PCDHA9: variants seen among roughly 807,000 people sequenced by gnomAD.
PCDHA9 encodes protocadherin alpha-9.
In PCDHA9, 62 loss-of-function variants were observed where a neutral mutation model predicts 62.0. The ratio of observed to expected loss-of-function variants is 1.00; its 90% CI spans 0.81 to 1.23. The LOEUF (loss-of-function observed/expected upper bound fraction) is 1.23, where lower values mean the gene tolerates loss of function less well. PCDHA9 is among the 50% of genes most tolerant of loss of function. PCDHA9 has a pLI of 0.00. For synonymous variants in PCDHA9, 557 were observed against 567.6 expected, an observed-to-expected ratio of 0.98 and a Z score of 0.27; for missense variants, 1,205 against 1,249.8, an observed-to-expected ratio of 0.96 and a Z score of 0.54.
chr5:140,954,161 C>G (rs2094990748), intron 1 of PCDHA9, among the ~76,000 whole-genome samples: 1 of 152,200 alleles, frequency 6.6e-6, no homozygotes, highest in African/African-American at 2.4e-5. Context: ...ATATGTACCA[C>G]ATTTTCTTTA....
At chr5:140,869,764 G>A (rs1554163420) in intron 1 of PCDHA9, 4 of 1,613,244 alleles carry the variant, frequency 2.5e-6, no homozygotes, top group East Asian at 4.5e-5. Context: ...GGGAAAACCA[G>A]AGCTTACTGG....
chr5:140,940,903 A>T (rs1177865937), intron 1 of PCDHA9, among the ~76,000 whole-genome samples: 1 of 152,242 alleles, frequency 6.6e-6, no homozygotes, highest in Admixed American at 6.5e-5. Context: ...CTTTAAATCA[A>T]GTTCAAGACT....
chr5:140,994,412 G>C (rs1412198813), intron 3 of PCDHA9, among the ~76,000 whole-genome samples: 1 of 152,068 alleles, frequency 6.6e-6, no homozygotes, highest in Non-Finnish European at 1.5e-5. Flanking sequence ...ATTTAATACT[G>C]GATATTGAGG....
At chr5:140,948,823 A>G (rs1554218722) in intron 1 of PCDHA9, among the ~76,000 whole-genome samples, 2 of 151,238 alleles carry the variant, frequency 1.3e-5, no homozygotes, top group African/African-American at 4.8e-5. Flanking sequence ...TATTTCATTA[A>G]TTTCTGCTTT....
intron 1 of PCDHA9, among the ~76,000 whole-genome samples, chr5:140,879,506 A>T (rs1156992401): frequency 1.3e-5 from 2 of 152,224 alleles, no homozygotes; most frequent in Non-Finnish European, 2.9e-5. Context: ...CTCAGAAGAG[A>T]TTATTGATAT....
rs1781520198 is a variant in PCDHA9, at chr5:140,848,443, T to C, written c.-53T>C. ...ATGGGACTGACGAAATCAGATGATTTCTTCTAATTTGGAGGCAATTTTCAC... is the reference window on the plus strand; with the variant it reads ...ATGGGACTGACGAAATCAGATGATTCCTTCTAATTTGGAGGCAATTTTCAC... On this transcript the variant is annotated 5_prime_UTR_variant, in exon 1 of 4. Transcript: ENST00000532602. 5.4e-6 allele frequency: 8 copies of C among 1,493,744 alleles called. 1 individual carries two copies. The highest frequency in any genetic ancestry group is 7.3e-6 in the Non-Finnish European group (8 of 1,096,078). 92.5% of individuals were successfully genotyped at this position (1,493,744 alleles called of 1,614,324 possible).
chr5:140,858,147 T>C, intron 1 of PCDHA9: 1 of 1,597,630 alleles, frequency 6.3e-7, no homozygotes, highest in Non-Finnish European at 8.6e-7. Flanking sequence ...TACCTGATCA[T>C]CGCCATCTGC....
chr5:141,005,308 TA>T (rs1345689314), intron 3 of PCDHA9, among the ~76,000 whole-genome samples: 4 of 152,214 alleles, frequency 2.6e-5, no homozygotes, highest in Non-Finnish European at 4.4e-5. Context: ...TTGTGAATCT[TA>T]CAGTGGTAGA....
rs79215949 is a variant in PCDHA9 at position 140,921,420 on chromosome 5, C to T, written c.2395-57529C>T. Among the ~76,000 whole-genome samples, 1,220 of 152,204 alleles carry T rather than the reference C, an allele frequency of 8.0e-3. 6 individuals carry two copies. The highest frequency in any genetic ancestry group is 0.019 in the African/African-American group (786 of 41,526). On this transcript the variant is annotated intron_variant, in intron 1 of 3. Coordinates refer to ENST00000532602, the MANE Select transcript of PCDHA9 (RefSeq NM_031857.2). Reference sequence around the variant, plus strand: ...ACTAGATTTTCCTCTGTGCTGCAGACAAAAATTTTCTTCAATGGTGTCTGA... The same window carrying T: ...ACTAGATTTTCCTCTGTGCTGCAGATAAAAATTTTCTTCAATGGTGTCTGA...
intron 1 of PCDHA9, chr5:140,882,754 T>C: frequency 1.2e-6 from 2 of 1,614,228 alleles, no homozygotes; most frequent in South Asian, 1.1e-5. Flanking sequence ...ATGCAGATAT[T>C]GGAGTAAACT....
At chr5:140,925,434 G>C (rs1165185781) in intron 1 of PCDHA9, among the ~76,000 whole-genome samples, 1 of 152,088 alleles carries the variant, frequency 6.6e-6, no homozygotes, top group African/African-American at 2.4e-5. Flanking sequence ...TAGGGTGTTA[G>C]GCAGAATTTG....
chr5:140,980,239 A>G (rs1453927657), intron 2 of PCDHA9, among the ~76,000 whole-genome samples: 1 of 152,230 alleles, frequency 6.6e-6, no homozygotes, highest in Non-Finnish European at 1.5e-5. Flanking sequence ...TGGTGGAGAC[A>G]TGCAATGGGT....
chr5:140,870,957 C>T, intron 1 of PCDHA9: 1 of 1,613,704 alleles, frequency 6.2e-7, no homozygotes, highest in Non-Finnish European at 8.5e-7. Context: ...GCGGCTCGCG[C>T]ATCCCGTTCC....
intron 1 of PCDHA9, chr5:140,870,108 C>T (rs1317421695): frequency 1.2e-6 from 2 of 1,613,788 alleles, no homozygotes; most frequent in Non-Finnish European, 1.7e-6. Context: ...ACTGTACAGT[C>T]TGGGTGGAAA....
Position 140,925,082 on chromosome 5 carries a change from A to AAAGGAAGG in PCDHA9, c.2395-53849_2395-53842dup, listed in dbSNP as rs138596875. 2.5e-3 allele frequency among the ~76,000 whole-genome samples: 363 copies of AAAGGAAGG among 147,386 alleles called. 3 individuals carry two copies. The highest frequency in any genetic ancestry group is 8.0e-3 in the African/African-American group (310 of 38,948). ...GCAACAAAGCAACACGCTCATCTGG[A>AAAGGAAGG]AAGGAAGGAAGGAAGGAAGGAAGGA... On this transcript the variant is annotated intron_variant, in intron 1 of 3. Transcript: ENST00000532602.
Position 140,938,847 on chromosome 5 carries a change from T to C in PCDHA9, c.2395-40102T>C, listed in dbSNP as rs371783438. 4.6e-5 allele frequency among the ~76,000 whole-genome samples: 7 copies of C among 152,194 alleles called. No individual in the cohort carries two copies. The South Asian group carries it at 6.2e-4, about 14-fold the overall frequency. ...GTTTGCGTTATAACAAACCTGCCCA[T>C]GTACCCCTGAACTTAAAAGTTAAGA... On this transcript the variant is annotated intron_variant, in intron 1 of 3. Transcript: ENST00000532602.
chr5:141,006,338 A>G (rs1201287903), intron 3 of PCDHA9, among the ~76,000 whole-genome samples: 13 of 151,820 alleles, frequency 8.6e-5, no homozygotes, highest in African/African-American at 3.1e-4. Flanking sequence ...CAGCCTCCTG[A>G]GTAGCTGGGA....
At chr5:140,877,838 A>G (rs1395855806) in intron 1 of PCDHA9, 16 of 1,583,236 alleles carry the variant, frequency 1.0e-5, no homozygotes, top group Non-Finnish European at 1.4e-5. Flanking sequence ...CCTCCCAGTG[A>G]AGTAAGTTAT....
intron 3 of PCDHA9, among the ~76,000 whole-genome samples, chr5:140,987,981 ACT>A (rs2153869731): frequency 6.6e-6 from 1 of 152,028 alleles, no homozygotes; most frequent in African/African-American, 2.4e-5. Context: ...CTCCATGGAG[ACT>A]CCATCTCTGA....
Sources: allele counts gnomAD v4.1 joint callset (sites outside exome capture counted in the v4.1 genomes callset), GRCh38; gene constraint gnomAD v4.1.1; transcripts MANE v1.5; gene names NCBI Gene and HGNC (gene_info 2026-07-23, HGNC 2026-07-21).